ACOT11: variants seen among roughly 807,000 people sequenced by gnomAD.
ACOT11 encodes acyl-CoA thioesterase 11.
Under a neutral mutation model 77.5 loss-of-function variants are expected in ACOT11, and 69 were observed. The ratio of observed to expected loss-of-function variants is 0.89; its 90% CI spans 0.73 to 1.09. The LOEUF (loss-of-function observed/expected upper bound fraction) is 1.09. Ranked by LOEUF, ACOT11 falls within the 50% of genes least tolerant of loss-of-function variation. ACOT11 has a pLI of 0.00. For synonymous variants in ACOT11, 279 were observed against 313.0 expected, an observed-to-expected ratio of 0.89 and a Z score of 1.15; for missense variants, 766 against 813.7, an observed-to-expected ratio of 0.94 and a Z score of 0.71.
At position 54,555,589 on chromosome 1, in the gene ACOT11, C is replaced by T. The variant is rs966970251; in HGVS notation, c.33+7247C>T. Among the ~76,000 whole-genome samples the T allele has an allele frequency of 2.0e-5, 3 of 152,064 alleles. No homozygotes were observed. The East Asian group carries it at 5.8e-4, about 29-fold the overall frequency. On this transcript the variant is annotated intron_variant, in intron 1 of 15. Transcript: ENST00000343744. ...CAGAAGTGTTTTGGTATAAAGAAAT[C>T]ACATCTATTTTTGCTTTTGTTGCCT...
At chr1:54,608,804 A>G (rs1644067381) in intron 15 of ACOT11, among the ~76,000 whole-genome samples, 153 bp from the exon 16 acceptor site, 1 of 152,006 alleles carries the variant, frequency 6.6e-6, no homozygotes, top group Non-Finnish European at 1.5e-5. Context: ...CAACTGTGTA[A>G]TCTAAGACCC....
At chr1:54,602,977 C>G (rs1352874488) in intron 10 of ACOT11, among the ~76,000 whole-genome samples, 1 of 152,238 alleles carries the variant, frequency 6.6e-6, no homozygotes, top group African/African-American at 2.4e-5. Context: ...GAATTTGAAG[C>G]TGGCTGAGTC....
intron 15 of ACOT11, among the ~76,000 whole-genome samples, chr1:54,625,371 G>C (rs1386458007): frequency 6.6e-6 from 1 of 152,160 alleles, no homozygotes. Flanking sequence ...GGGGGCTGTA[G>C]ACAAGCAGGA....
At chr1:54,590,620 C>T (rs754470252) in intron 3 of ACOT11, among the ~76,000 whole-genome samples, 3 of 151,914 alleles carry the variant, frequency 2.0e-5, no homozygotes, top group Non-Finnish European at 2.9e-5. Context: ...AGTTTTTTGC[C>T]GTAATTTTTG....
Position 54,609,142 on chromosome 1 carries a change from C to G in ACOT11, c.*30C>G, listed in dbSNP as rs1569774475. Reference sequence around the variant, plus strand: ...CCTCAGTGGCCACATCATGCCCACTCCCACTCCATCCTGTCCCCAAGGACT... The same window carrying G: ...CCTCAGTGGCCACATCATGCCCACTGCCACTCCATCCTGTCCCCAAGGACT... On this transcript the variant is annotated 3_prime_UTR_variant, in exon 16 of 16. Coordinates refer to ENST00000343744, the MANE Select transcript of ACOT11 (RefSeq NM_147161.4). The G allele has an allele frequency of 1.2e-6, 2 of 1,613,544 alleles. No individual in the cohort carries two copies. Among genetic ancestry groups the G allele is most frequent in the Non-Finnish European group, 8.5e-7 (1 of 1,179,688 alleles).
intron 1 of ACOT11, among the ~76,000 whole-genome samples, chr1:54,562,555 C>T (rs1489391919): frequency 4.3e-5 from 6 of 139,646 alleles, no homozygotes; most frequent in African/African-American, 1.3e-4. Flanking sequence ...ACCCACCCCC[C>T]ACCTCCCTCC....
At chr1:54,604,521 CA>C (rs1557664882) in intron 12 of ACOT11, 92 bp downstream of exon 12, 17 of 1,169,684 alleles carry the variant, frequency 1.5e-5, no homozygotes, top group South Asian at 4.0e-5. Context: ...CCACTTATGT[CA>C]AAAAAAGATC....
downstream of ACOT11, chr1:54,611,031 G>A (rs1442046798): frequency 1.0e-6 from 1 of 984,944 alleles, no homozygotes; most frequent in Non-Finnish European, 1.2e-6. Flanking sequence ...TTTGGAATTT[G>A]CTGGTTTCCT....
In ACOT11 at chr1:54,553,910, G is replaced by A. The variant is rs75602308; in HGVS notation, c.33+5568G>A. 7.6e-3 allele frequency among the ~76,000 whole-genome samples: 1,150 copies of A among 152,124 alleles called. 11 individuals are homozygous for A. The highest frequency in any genetic ancestry group is 0.026 in the African/African-American group (1,079 of 41,486). On this transcript the variant is annotated intron_variant, in intron 1 of 15. Transcript: ENST00000343744. ...TAACATACTCTGGGGGAGGTGGCTC[G>A]TGCCCATAATCCCAGTACTTCGGGA... is the stretch of plus-strand genomic sequence containing the variant.
Position 54,604,361 on chromosome 1 carries a change from A to C in ACOT11, c.1168A>C (p.Asn390His). 7 of 1,614,056 alleles carry C rather than the reference A, an allele frequency of 4.3e-6. No homozygotes were observed. Among genetic ancestry groups the C allele is most frequent in the Non-Finnish European group, 5.9e-6 (7 of 1,180,002 alleles). ...DPSNQVYLSY[N>H]NVSSLKMLVA... is the part of the protein sequence containing the mutation. ...ACTCTTTCAGGTGTACCTGAGCTAC[A>C]ATAACGTCTCCTCCTTGAAGATGCT... Residue 390 changes from asparagine (N) to histidine (H), a missense_variant, in exon 12 of 16, where the codon AAT (asparagine) becomes CAT (histidine). Physicochemically the swap from Asn to His is moderately conservative, Grantham distance 68. Coordinates refer to ENST00000343744, the MANE Select transcript of ACOT11 (RefSeq NM_147161.4).
At chr1:54,617,973 C>T (rs1364456110) in intron 15 of ACOT11, among the ~76,000 whole-genome samples, 2 of 150,912 alleles carry the variant, frequency 1.3e-5, no homozygotes, top group Non-Finnish European at 3.0e-5. Flanking sequence ...GTGATCCACC[C>T]GCCTCAGCCT....
chr1:54,607,265 GGT>G lies in ACOT11; in HGVS notation c.1502+6_1502+7del. 2 of 1,614,088 alleles carry G rather than the reference GGT, an allele frequency of 1.2e-6. No homozygotes were observed. The highest frequency in any genetic ancestry group is 1.7e-6 in the Non-Finnish European group (2 of 1,180,006). On this transcript the variant is annotated splice_donor_variant, in intron 14 of 15. Coordinates refer to ENST00000343744, the MANE Select transcript of ACOT11 (RefSeq NM_147161.4). LOFTEE classifies it high-confidence loss of function. The surrounding 1 kb of genome is among the most constrained non-coding windows in gnomAD (Gnocchi z 4.5). ...TCGAGGCGGAAGCCTTGTGACAATGGGTGTGTGCCTATCTGCTGTGGGGTGGG... is the reference window on the plus strand; with the variant it reads ...TCGAGGCGGAAGCCTTGTGACAATGGGTGTGCCTATCTGCTGTGGGGTGGG...
At chr1:54,595,494 C>T (rs1346908225) in intron 6 of ACOT11, among the ~76,000 whole-genome samples, 1 of 152,134 alleles carries the variant, frequency 6.6e-6, no homozygotes, top group Non-Finnish European at 1.5e-5. Flanking sequence ...AGCAAGACTC[C>T]TTTCTATCCC....
At chr1:54,597,506 G>T in intron 7 of ACOT11, 91 bp downstream of exon 7, 1 of 1,455,030 alleles carries the variant, frequency 6.9e-7, no homozygotes, top group Non-Finnish European at 9.1e-7. Flanking sequence ...CCCAGCTTGG[G>T]GTTGGCATTC....
chr1:54,549,709 G>A (rs1192349286), intron 1 of ACOT11, among the ~76,000 whole-genome samples: 24 of 152,206 alleles, frequency 1.6e-4, no homozygotes, highest in Admixed American at 1.2e-3. Context: ...GCACGGGGAC[G>A]GGTGTGGCCA....
At chr1:54,617,279 G>A (rs1249231824) in intron 15 of ACOT11, among the ~76,000 whole-genome samples, 1 of 152,054 alleles carries the variant, frequency 6.6e-6, no homozygotes, top group African/African-American at 2.4e-5. Context: ...GAGGGGAGAG[G>A]GGCCGCTTTT....
intron 1 of ACOT11, among the ~76,000 whole-genome samples, chr1:54,576,491 T>TAAAAA (rs71581820): frequency 4.8e-4 from 33 of 68,224 alleles, no homozygotes; most frequent in Non-Finnish European, 7.0e-4. Context: ...GAGCAAGATC[T>TAAAAA]AAAAAAAAAA....
intron 1 of ACOT11, among the ~76,000 whole-genome samples, chr1:54,557,434 C>A (rs1653300455): frequency 6.6e-6 from 1 of 150,794 alleles, no homozygotes; most frequent in African/African-American, 2.4e-5. Context: ...TATTTATCTA[C>A]CCTTGTGTGC....
intron 15 of ACOT11, 61 bp downstream of exon 15, chr1:54,608,129 T>C (rs1159842557): frequency 4.5e-6 from 7 of 1,553,216 alleles, no homozygotes; most frequent in South Asian, 1.2e-5. Context: ...CACACGTGTA[T>C]TGAGCTCAGC....
Sources: gnomAD v4.1 joint callset for allele counts (sites outside exome capture counted in the v4.1 genomes callset) on GRCh38, gnomAD v4.1.1 for gene constraint, Gnocchi (gnomAD v3.1) non-coding constraint, MANE v1.5 for transcripts, NCBI Gene and HGNC (gene_info 2026-07-23, HGNC 2026-07-21) for gene names.